The following TNS1 variants were observed in gnomAD, a reference collection of about 807,000 sequenced individuals.
The protein encoded by TNS1 is tensin 1, also known as tensin-1.
A neutral mutation model predicts 168.6 loss-of-function variants in TNS1; 62 were observed. The observed-to-expected ratio is 0.37, with a 90% CI of 0.30 to 0.45. TNS1 has a LOEUF of 0.45. Ranked by LOEUF, TNS1 falls within the 20% of genes least tolerant of loss-of-function variation. The probability of loss-of-function intolerance (pLI) is 1.00; values close to 1 mark genes in which losing one functional copy is unlikely to be tolerated. For missense variants in TNS1, 2,240 were observed against 2,339.4 expected (o/e 0.96, Z 0.88); for synonymous variants, 934 against 933.2 (o/e 1.00, Z -0.02).
At chr2:217,874,020 A>AC (rs1950001948) in intron 18 of TNS1, among the ~76,000 whole-genome samples, 3 of 95,688 alleles carry the variant, frequency 3.1e-5, no homozygotes, top group African/African-American at 8.6e-5. Flanking sequence ...CCGCCCCCCA[A>AC]CCAACACACA....
Position 217,831,482 on chromosome 2 carries a change from C to A in TNS1, c.3346G>T (p.Ala1116Ser). Residue 1116 changes from alanine to serine, a missense_variant, in exon 22 of 33, where the codon GCG becomes TCG. Around this residue, in one of 2 missense-constraint regions of TNS1, gnomAD observed 2,131 missense variants for 2,171.2 expected, o/e 0.98. Transcript: ENST00000682258. Reference sequence around the variant, plus strand: ...CCTGTGGGGTGCAACAGGATGTCCGCTGGGTTGTGAGGTTTCAGGCCCAGA... The same window carrying A: ...CCTGTGGGGTGCAACAGGATGTCCGATGGGTTGTGAGGTTTCAGGCCCAGA... ...SALGLKPHNP[A>S]DILLHPTGEP... is the part of the protein sequence containing the mutation. 6.3e-7 allele frequency: 1 copy of A among 1,590,224 alleles called. No individual in the cohort carries two copies. The highest frequency in any genetic ancestry group is 8.6e-7 in the Non-Finnish European group (1 of 1,169,156).
intron 3 of TNS1, among the ~76,000 whole-genome samples, chr2:217,930,467 G>C (rs998895586): frequency 6.6e-6 from 1 of 152,158 alleles, no homozygotes; most frequent in Non-Finnish European, 1.5e-5. Flanking sequence ...AGAGAAAGGC[G>C]GTCAGAGAGG....
intron 16 of TNS1, 23 bp from the exon 17 acceptor site, chr2:217,882,434 A>G (rs1950771565): frequency 1.3e-6 from 2 of 1,550,340 alleles, no homozygotes; most frequent in Non-Finnish European, 1.8e-6. Flanking sequence ...AAGGAAAAAT[A>G]AAAATAGGCA....
intron 4 of TNS1, among the ~76,000 whole-genome samples, chr2:217,912,767 C>T (rs1224039304): frequency 6.6e-6 from 1 of 152,178 alleles, no homozygotes; most frequent in Non-Finnish European, 1.5e-5. Context: ...ATCGTCCCCA[C>T]ATACAGACCT....
rs1459054124 is a variant in TNS1 at position 217,978,788 on chromosome 2, A to C, written c.163T>G (p.Cys55Gly). ...GCTCKVCSFSCHRKCQAKVAA... is the reference protein window; with the variant it reads ...GCTCKVCSFSGHRKCQAKVAA... ...ACCTTGGCCTGGCATTTCCGATGAC[A>C]GGAGAAGCTGCAGACTGCAAGAGGG... Residue 55 changes from cysteine to glycine, a missense_variant, in exon 3 of 33, where the codon TGT (cysteine) becomes GGT (glycine). Cys to Gly is a radical substitution (Grantham distance 159, BLOSUM62 -3). Coordinates refer to ENST00000682258, the MANE Select transcript of TNS1 (RefSeq NM_001387777.1). The C allele has an allele frequency of 2.8e-6, 2 of 702,076 alleles. No individual in the cohort carries two copies. The allele number at this position is 702,076 out of a possible 1,614,324, so 43.5% of individuals were successfully genotyped here. A position where few individuals can be genotyped will look rare whatever the true frequency, so the allele number is the denominator to read the frequency against.
rs1423936549 is a variant in TNS1, at chr2:217,948,239, T to G, written c.187-28003A>C. On this transcript the variant is annotated intron_variant, in intron 3 of 32. Transcript: ENST00000682258. This position sits in a 1 kb window ranked among gnomAD's most constrained non-coding sequence, Gnocchi z 4.1. ...GAGGGGTCGGTTCCCCAACTCTTCC[T>G]GTGATGGGTGGGAAGTGTTAGTCTC... 1.3e-5 allele frequency among the ~76,000 whole-genome samples: 2 copies of G among 152,182 alleles called. No homozygotes were observed. Among genetic ancestry groups the G allele is most frequent in the Non-Finnish European group, 2.9e-5 (2 of 68,028 alleles).
At chr2:218,016,322 G>A (rs1222109116) in intron 1 of TNS1, among the ~76,000 whole-genome samples, 1 of 152,258 alleles carries the variant, frequency 6.6e-6, no homozygotes, top group East Asian at 1.9e-4. Context: ...GACTGGCAGG[G>A]AGCTAGAGAC....
At chr2:218,031,678 G>A (rs932042211) in intron 1 of TNS1, among the ~76,000 whole-genome samples, 4 of 152,090 alleles carry the variant, frequency 2.6e-5, no homozygotes, top group African/African-American at 9.7e-5. Context: ...TTCAGCTCTG[G>A]GGTCTCTGAT....
At chr2:217,841,405 A>G (rs573934484) in intron 19 of TNS1, 90 of 287,902 alleles carry the variant, frequency 3.1e-4, no homozygotes, top group African/African-American at 2.0e-3. Flanking sequence ...TGGGAAACAC[A>G]GAGAGTGCAG....
chr2:218,031,161 CTA>C (rs1491576062), intron 1 of TNS1, among the ~76,000 whole-genome samples: 5,984 of 126,110 alleles, frequency 0.047, 408 homozygotes, highest in African/African-American at 0.15. Context: ...GTGAGCATGT[CTA>C]TGAGTGTCTT....
intron 12 of TNS1, among the ~76,000 whole-genome samples, chr2:217,889,784 A>T (rs1437922613): frequency 6.6e-6 from 1 of 152,222 alleles, no homozygotes; most frequent in South Asian, 2.1e-4. Context: ...AATGGTGCTG[A>T]CATCACGGCA....
At chr2:217,961,458 C>T (rs1957495129) in intron 3 of TNS1, among the ~76,000 whole-genome samples, 1 of 152,046 alleles carries the variant, frequency 6.6e-6, no homozygotes, top group South Asian at 2.1e-4. Flanking sequence ...ACTCCAGGTC[C>T]AAGTCCTGAA....
chr2:217,808,738 C>T (rs912559733), intron 30 of TNS1, 67 bp from the exon 31 acceptor site: 1 of 1,474,152 alleles, frequency 6.8e-7, no homozygotes, highest in Non-Finnish European at 9.5e-7. Flanking sequence ...CTCCTTCCAC[C>T]AGCAGGTCAG....
At chr2:217,859,828 A>T in intron 18 of TNS1, 1 of 690,022 alleles carries the variant, frequency 1.4e-6, no homozygotes. Context: ...AGTTCCCACC[A>T]TTATCCTGAT....
At chr2:218,024,795 C>A (rs1022708752) in intron 1 of TNS1, among the ~76,000 whole-genome samples, 3 of 152,110 alleles carry the variant, frequency 2.0e-5, no homozygotes, top group Non-Finnish European at 4.4e-5. Context: ...TCCTGAATGC[C>A]CCTATCCAGA....
At chr2:217,891,196 C>G (rs1174287457) in intron 11 of TNS1, 151 bp from the exon 12 acceptor site, 1 of 705,914 alleles carries the variant, frequency 1.4e-6, no homozygotes, top group East Asian at 2.7e-5. Context: ...CCCTGCCATC[C>G]TGTGCCGAGA....
intron 3 of TNS1, among the ~76,000 whole-genome samples, chr2:217,939,013 AAG>A (rs780866451): frequency 2.0e-5 from 3 of 152,076 alleles, no homozygotes; most frequent in African/African-American, 4.8e-5. Flanking sequence ...ACAACAAGAC[AAG>A]AGAGAGAGAA....
intron 18 of TNS1, among the ~76,000 whole-genome samples, chr2:217,851,470 CA>C (rs1559238279): frequency 1.2e-4 from 18 of 151,862 alleles, no homozygotes; most frequent in African/African-American, 4.4e-4. Flanking sequence ...CACACACACA[CA>C]CACCCCAGGG....
chr2:217,891,061 G>C lies in TNS1; in HGVS notation c.783-16C>G. On this transcript the variant is annotated splice_polypyrimidine_tract_variant and intron_variant, in intron 11 of 32. Coordinates refer to ENST00000682258, the MANE Select transcript of TNS1 (RefSeq NM_001387777.1). ...CTGGTCCGCACTGCAGGGAGAGACA[G>C]GTGGTCAAAAGAGGCAACTCCTGCA... The C allele has an allele frequency of 6.2e-7, 1 of 1,614,034 alleles. No homozygotes were observed. The highest frequency in any genetic ancestry group is 8.5e-7 in the Non-Finnish European group (1 of 1,179,962).
Sources: allele counts gnomAD v4.1 joint callset (sites outside exome capture counted in the v4.1 genomes callset), GRCh38; gene constraint gnomAD v4.1.1; regional missense constraint gnomAD v4.1.1; non-coding constraint Gnocchi (gnomAD v3.1); transcripts MANE v1.5; gene names NCBI Gene and HGNC (gene_info 2026-07-23, HGNC 2026-07-21).